CREB5: variants seen among roughly 807,000 people sequenced by gnomAD.
CREB5 encodes cAMP responsive element binding protein 5, also known as cyclic AMP-responsive element-binding protein 5.
A neutral mutation model predicts 57.1 loss-of-function variants in CREB5; 19 were observed. That is an observed-to-expected ratio of 0.33 (90% confidence interval 0.23 to 0.49). The LOEUF (loss-of-function observed/expected upper bound fraction) is 0.49. Ranked by LOEUF, CREB5 falls within the 20% of genes least tolerant of loss-of-function variation. CREB5 has a pLI of 0.99. For synonymous variants in CREB5, 238 were observed against 238.3 expected, an observed-to-expected ratio of 1.00 and a Z score of 0.01; for missense variants, 579 against 671.6, an observed-to-expected ratio of 0.86 and a Z score of 1.52.
chr7:28,647,026 T>C (rs1016705516), intron 5 of CREB5, among the ~76,000 whole-genome samples: 26 of 152,000 alleles, frequency 1.7e-4, no homozygotes, highest in African/African-American at 6.0e-4. Context: ...ATCTTGGTAA[T>C]GAGAAGAAAA....
intron 1 of CREB5, among the ~76,000 whole-genome samples, chr7:28,424,771 A>C (rs1788428441): frequency 6.6e-6 from 1 of 152,158 alleles, no homozygotes; most frequent in South Asian, 2.1e-4. Context: ...GACAAAAATC[A>C]CCCATTCCCA....
intron 4 of CREB5, among the ~76,000 whole-genome samples, chr7:28,560,885 TGC>T (rs756357339): frequency 0.043 from 1,134 of 26,304 alleles, 140 homozygotes; most frequent in Middle Eastern, 0.11. Flanking sequence ...CGTGCGTGCG[TGC>T]GTGTGTGTGC....
At chr7:28,356,803 T>C (rs148515987) in intron 1 of CREB5, among the ~76,000 whole-genome samples, 559 of 152,260 alleles carry the variant, frequency 3.7e-3, no homozygotes, top group Admixed American at 8.4e-3. Flanking sequence ...GTTTCTTAAT[T>C]AGGTTTCTGG....
intron 1 of CREB5, among the ~76,000 whole-genome samples, chr7:28,455,938 A>T (rs1436202045): frequency 6.6e-6 from 1 of 152,138 alleles, no homozygotes; most frequent in Non-Finnish European, 1.5e-5. Flanking sequence ...TGGACAGATA[A>T]CTTCCCTTTC....
rs202072286 is a variant in CREB5 at position 28,597,310 on chromosome 7, G to A, written c.464+26773G>A. On this transcript the variant is annotated intron_variant, in intron 5 of 10. Transcript: ENST00000357727. ...CAGGAGCAGCCATCCTCTCAGGAGC[G>A]ACACAAGAGAAGAGCACACCTCTTT... Among the ~76,000 whole-genome samples the A allele has an allele frequency of 1.2e-4, 19 of 152,244 alleles. No homozygotes were observed. The South Asian group carries it at 3.7e-3, about 30-fold the overall frequency.
chr7:28,311,624 A>C (rs910293434), intron 1 of CREB5, among the ~76,000 whole-genome samples: 5 of 152,222 alleles, frequency 3.3e-5, no homozygotes, highest in African/African-American at 1.2e-4. Flanking sequence ...CCAGTTTGCC[A>C]CAGACTCTGA....
At chr7:28,517,087 G>A (rs528486295) in intron 4 of CREB5, among the ~76,000 whole-genome samples, 8 of 152,280 alleles carry the variant, frequency 5.3e-5, no homozygotes, top group Non-Finnish European at 8.8e-5. Context: ...TGAAGCTTCC[G>A]TTCTAGGCAG....
intron 7 of CREB5, among the ~76,000 whole-genome samples, chr7:28,772,595 G>C (rs576352157): frequency 6.6e-6 from 1 of 152,116 alleles, no homozygotes; most frequent in African/African-American, 2.4e-5. Context: ...TGTAACAAAG[G>C]AAACACAGGA....
intron 1 of CREB5, among the ~76,000 whole-genome samples, chr7:28,349,229 T>C (rs1306309304): frequency 6.6e-6 from 1 of 152,302 alleles, no homozygotes; most frequent in Admixed American, 6.5e-5. Flanking sequence ...AAAGTAGTTA[T>C]AACCTTATAA....
chr7:28,445,270 C>T (rs937737692), intron 1 of CREB5, among the ~76,000 whole-genome samples: 10 of 152,082 alleles, frequency 6.6e-5, no homozygotes, highest in Admixed American at 1.3e-4. Flanking sequence ...GTGTGAGAAC[C>T]GACTAATACA....
chr7:28,795,755 C>CGTTT (rs1807997529), intron 7 of CREB5, among the ~76,000 whole-genome samples: 1 of 137,518 alleles, frequency 7.3e-6, no homozygotes, highest in African/African-American at 2.7e-5. Flanking sequence ...GTTTTTCTTT[C>CGTTT]TTTTTTTTTT....
At chr7:28,735,233 C>T (rs1160927816) in intron 7 of CREB5, among the ~76,000 whole-genome samples, 1 of 152,018 alleles carries the variant, frequency 6.6e-6, no homozygotes, top group Non-Finnish European at 1.5e-5. Context: ...AGTTATACAA[C>T]TTATGTGATA....
chr7:28,779,407 T>G (rs1182771037), intron 7 of CREB5, among the ~76,000 whole-genome samples: 10 of 152,212 alleles, frequency 6.6e-5, no homozygotes, highest in Non-Finnish European at 1.5e-5. Context: ...ACAGCCCTTC[T>G]TAGATAAAGG....
intron 4 of CREB5, among the ~76,000 whole-genome samples, chr7:28,515,428 T>C (rs1211440097): frequency 6.6e-6 from 1 of 152,198 alleles, no homozygotes; most frequent in African/African-American, 2.4e-5. Flanking sequence ...ACAATTCCTT[T>C]ATCGTACATC....
intron 5 of CREB5, among the ~76,000 whole-genome samples, chr7:28,629,305 T>G (rs1050252181): frequency 6.6e-6 from 1 of 152,310 alleles, no homozygotes; most frequent in Middle Eastern, 3.4e-3. Flanking sequence ...AAGGGGCTAA[T>G]TTATTACCCA....
intron 4 of CREB5, among the ~76,000 whole-genome samples, chr7:28,560,875 CGTGCGTGCGTGCGTGTGTGTGCGT>C (rs1795128915): frequency 5.2e-5 from 1 of 19,220 alleles, no homozygotes; most frequent in African/African-American, 1.8e-4. Context: ...CCTGCGTGCG[CGTGCGTGCGTGCGTGTGTGTGCGT>C]GCGCGCGTGC....
chr7:28,448,743 G>C (rs866339821), intron 1 of CREB5, among the ~76,000 whole-genome samples: 6 of 152,208 alleles, frequency 3.9e-5, no homozygotes, highest in Non-Finnish European at 8.8e-5. Flanking sequence ...GAGCTAGCTG[G>C]GTTTTCAGGT....
At chr7:28,662,073 G>GAA (rs2128714043) in intron 5 of CREB5, among the ~76,000 whole-genome samples, 1 of 152,206 alleles carries the variant, frequency 6.6e-6, no homozygotes, top group East Asian at 1.9e-4. Context: ...GTGAACAGCA[G>GAA]AAAAAAGGGC....
chr7:28,517,024 G>A (rs1300341216), intron 4 of CREB5, among the ~76,000 whole-genome samples: 1 of 152,180 alleles, frequency 6.6e-6, no homozygotes, highest in East Asian at 1.9e-4. Flanking sequence ...CCAAAGGCAT[G>A]CAGGAAAACA....
Sources: allele counts gnomAD v4.1 joint callset (sites outside exome capture counted in the v4.1 genomes callset), GRCh38; gene constraint gnomAD v4.1.1; transcripts MANE v1.5; gene names NCBI Gene and HGNC (gene_info 2026-07-23, HGNC 2026-07-21).